Variants in TENM2 observed in about 807,000 individuals in gnomAD.
TENM2 encodes teneurin transmembrane protein 2, also known as teneurin-2.
A neutral mutation model predicts 245.2 loss-of-function variants in TENM2; 52 were observed. The observed-to-expected ratio is 0.21, with a 90% CI of 0.17 to 0.27. TENM2 has a LOEUF of 0.27. Ranked by LOEUF, TENM2 falls within the 10% of genes least tolerant of loss-of-function variation. The pLI is 1.00. For synonymous variants in TENM2, 1,363 were observed against 1,438.9 expected (o/e 0.95, Z 1.19); for missense variants, 3,046 against 3,666.8 (o/e 0.83, Z 4.37).
At chr5:168,216,901 T>G (rs1763246204) in exon 22 of TENM2, 1 of 1,614,012 alleles carries the variant, frequency 6.2e-7, no homozygotes, top group East Asian at 2.2e-5. Flanking sequence ...TGAGCTGTGA[T>G]TCCAGCATGG....
intron 6 of TENM2, among the ~76,000 whole-genome samples, chr5:168,060,375 C>T (rs1262630346): frequency 6.6e-6 from 1 of 152,156 alleles, no homozygotes; most frequent in Non-Finnish European, 1.5e-5. Flanking sequence ...GATCGTGCCA[C>T]TGCACTCTAG....
chr5:168,203,749 C>T (rs752176274), exon 18 of TENM2: 1 of 1,613,266 alleles, frequency 6.2e-7, no homozygotes, highest in South Asian at 1.1e-5. Context: ...AAAAGGACAG[C>T]CCTCCTTCAG....
At chr5:167,600,697 TG>T (rs1776576691) in intron 2 of TENM2, among the ~76,000 whole-genome samples, 1 of 152,156 alleles carries the variant, frequency 6.6e-6, no homozygotes, top group Non-Finnish European at 1.5e-5. Flanking sequence ...CCTGTCACGC[TG>T]GGTTAACTGT....
intron 13 of TENM2, among the ~76,000 whole-genome samples, chr5:168,174,477 T>C (rs560824918): frequency 2.6e-5 from 4 of 152,314 alleles, no homozygotes; most frequent in South Asian, 4.1e-4. Context: ...TATACGTCAG[T>C]GAGCATCAGA....
At chr5:167,612,953 G>A (rs1777568030) in intron 2 of TENM2, among the ~76,000 whole-genome samples, 1 of 152,232 alleles carries the variant, frequency 6.6e-6, no homozygotes, top group East Asian at 1.9e-4. Context: ...TGCACAATTT[G>A]GATTCCAGCT....
At chr5:166,983,526 T>C in the TENM2 span, among the ~76,000 whole-genome samples, 1 of 152,060 alleles carries the variant, frequency 6.6e-6, no homozygotes, top group African/African-American at 2.4e-5. Flanking sequence ...ATGAGTTTGA[T>C]AAAGAGAAAC....
rs574439139 is a variant in TENM2 at position 167,317,365 on chromosome 5, C to G, written c.226+32302C>G. 4.6e-5 allele frequency among the ~76,000 whole-genome samples: 7 copies of G among 152,156 alleles called. No homozygotes were observed. The East Asian group carries it at 1.4e-3, about 29-fold the overall frequency. ...AACTGTCTCTGTGGCGGTTACATAT[C>G]TTAGTTGCTCTTTCATCCTACCATA... On this transcript the variant is annotated intron_variant, in intron 1 of 28. Transcript: ENST00000518659.
intron 2 of TENM2, among the ~76,000 whole-genome samples, chr5:167,430,588 C>T (rs539398700): frequency 1.3e-5 from 2 of 152,160 alleles, no homozygotes; most frequent in Non-Finnish European, 2.9e-5. Context: ...GCCATCACAA[C>T]TAGAATAACC....
At chr5:167,253,683 A>G in the TENM2 span, among the ~76,000 whole-genome samples, 1 of 152,130 alleles carries the variant, frequency 6.6e-6, no homozygotes. Context: ...TTTACTCTTT[A>G]AGATGATTAA....
chr5:168,117,448 T>C (rs944721363), intron 9 of TENM2, among the ~76,000 whole-genome samples: 1 of 152,220 alleles, frequency 6.6e-6, no homozygotes, highest in Non-Finnish European at 1.5e-5. Flanking sequence ...TACCATGTTT[T>C]CCCTACACAT....
At chr5:167,663,578 T>A (rs953412798) in intron 2 of TENM2, among the ~76,000 whole-genome samples, 6 of 152,158 alleles carry the variant, frequency 3.9e-5, no homozygotes, top group Non-Finnish European at 8.8e-5. Flanking sequence ...TATCTAGGAT[T>A]TTTTGCAGTT....
chr5:168,204,546 G>A (rs1280644318), exon 19 of TENM2: 1 of 1,614,042 alleles, frequency 6.2e-7, no homozygotes. Context: ...ATCGATGGGA[G>A]CCTCTATGTG....
At position 168,154,689 on chromosome 5, in the gene TENM2, G is replaced by A. The variant is rs11948502; in HGVS notation, c.2423-7922G>A. 3.6e-3 allele frequency among the ~76,000 whole-genome samples: 545 copies of A among 152,296 alleles called. 4 individuals carry two copies. Among genetic ancestry groups the A allele is most frequent in the African/African-American group, 0.013 (526 of 41,548 alleles). On this transcript the variant is annotated intron_variant, in intron 12 of 28. Coordinates refer to ENST00000518659, the Ensembl canonical transcript of TENM2. ...GTGCATCCAGAAAACATGCAGCCTA[G>A]ACAGCTGGAGGCAAATTTATATGAC...
At chr5:167,978,390 GAATA>G (rs1199124992) in intron 4 of TENM2, among the ~76,000 whole-genome samples, 1 of 152,068 alleles carries the variant, frequency 6.6e-6, no homozygotes, top group Non-Finnish European at 1.5e-5. Flanking sequence ...ATGGATGAAT[GAATA>G]AAGAAAAAGT....
At chr5:168,227,959 G>A (rs758733945) in exon 25 of TENM2, 3 of 1,613,758 alleles carry the variant, frequency 1.9e-6, no homozygotes, top group South Asian at 1.1e-5. Context: ...ATGCTAATGG[G>A]ATGGGTATCA....
intron 2 of TENM2, among the ~76,000 whole-genome samples, chr5:167,871,541 A>C (rs184540158): frequency 6.6e-6 from 1 of 152,348 alleles, no homozygotes; most frequent in Admixed American, 6.5e-5. Flanking sequence ...ACAGATAATT[A>C]GTTTGACTTT....
At chr5:167,938,226 C>T (rs1778886550) in intron 3 of TENM2, 1 of 152,128 alleles carries the variant, frequency 6.6e-6, no homozygotes, top group African/African-American at 2.4e-5. Context: ...ATGATGCATC[C>T]TTTAAATGGT....
intron 7 of TENM2, among the ~76,000 whole-genome samples, chr5:168,082,945 C>A (rs1046375387): frequency 1.3e-5 from 2 of 152,196 alleles, no homozygotes; most frequent in Non-Finnish European, 2.9e-5. Context: ...AGATCTCAAA[C>A]TCCATGCTGG....
the TENM2 span, among the ~76,000 whole-genome samples, chr5:167,152,451 C>T: frequency 2.0e-5 from 3 of 152,112 alleles, no homozygotes; most frequent in South Asian, 4.1e-4. Flanking sequence ...TTTCAACATT[C>T]GGTTTTATGG....
Sources: allele counts gnomAD v4.1 joint callset (sites outside exome capture counted in the v4.1 genomes callset), GRCh38; gene constraint gnomAD v4.1.1; transcripts MANE v1.5; gene names NCBI Gene and HGNC (gene_info 2026-07-23, HGNC 2026-07-21).